The following PIK3AP1 variants were observed in gnomAD, a reference collection of about 807,000 sequenced individuals.
PIK3AP1 encodes the protein phosphoinositide-3-kinase adaptor protein 1.
PIK3AP1 carries 21 observed loss-of-function variants against 88.1 expected under a neutral mutation model. The observed-to-expected ratio is 0.24, with a 90% CI of 0.17 to 0.34. PIK3AP1 has a LOEUF of 0.34. Ranked by LOEUF, PIK3AP1 falls within the 10% of genes least tolerant of loss-of-function variation. The pLI is 1.00. For synonymous variants in PIK3AP1, 398 were observed against 400.0 expected (o/e 1.00, Z 0.06); for missense variants, 828 against 1,035.7 (o/e 0.80, Z 2.75).
intron 2 of PIK3AP1, among the ~76,000 whole-genome samples, chr10:96,678,366 C>T (rs373929770): frequency 1.4e-4 from 21 of 151,668 alleles, no homozygotes; most frequent in East Asian, 1.2e-3. Flanking sequence ...ACCCAGGAGG[C>T]GGAGGTTGCA....
At chr10:96,710,140 C>T (rs1444333470) in intron 1 of PIK3AP1, among the ~76,000 whole-genome samples, 157 bp from the exon 2 acceptor site, 2 of 152,208 alleles carry the variant, frequency 1.3e-5, no homozygotes, top group Non-Finnish European at 2.9e-5. Context: ...TCACGCATTT[C>T]TTTCCCCATT....
chr10:96,640,292 C>G (rs562956731), intron 8 of PIK3AP1, among the ~76,000 whole-genome samples: 7 of 152,234 alleles, frequency 4.6e-5, no homozygotes, highest in African/African-American at 1.4e-4. Flanking sequence ...ATGAGGCTCT[C>G]GGGTATTGAA....
intron 2 of PIK3AP1, among the ~76,000 whole-genome samples, chr10:96,670,597 G>A (rs983205848): frequency 6.6e-6 from 1 of 152,200 alleles, no homozygotes; most frequent in Non-Finnish European, 1.5e-5. Flanking sequence ...CTATATGGGG[G>A]AAGGGCTGTG....
chr10:96,596,740 T>C (rs1432789869), intron 16 of PIK3AP1, among the ~76,000 whole-genome samples: 1 of 152,204 alleles, frequency 6.6e-6, no homozygotes, highest in Non-Finnish European at 1.5e-5. Flanking sequence ...GGTGAGTCTA[T>C]TTACAGACAG....
At chr10:96,644,357 C>G (rs1843431112) in intron 8 of PIK3AP1, among the ~76,000 whole-genome samples, 1 of 152,182 alleles carries the variant, frequency 6.6e-6, no homozygotes, top group African/African-American at 2.4e-5. Flanking sequence ...TTCTACATAT[C>G]TGTGTATATG....
rs749857333 is a variant in PIK3AP1, at chr10:96,709,927, A to G, written c.70T>C (p.Cys24Arg). 10 of 1,608,276 alleles carry G rather than the reference A, an allele frequency of 6.2e-6. No individual in the cohort carries two copies. Among genetic ancestry groups the G allele is most frequent in the South Asian group, 1.1e-5 (1 of 90,920 alleles). The change falls in exon 2 of 17, where the codon TGC (cysteine) becomes CGC (arginine). Residue 24 changes from cysteine (C) to arginine (R), a missense_variant. This residue lies in a region of PIK3AP1 where 610 missense variants were observed against 760.1 expected (regional missense o/e 0.80). Coordinates refer to ENST00000339364, the MANE Select transcript of PIK3AP1 (RefSeq NM_152309.3). ...IVYSPDAEEW[C>R]QYLQTLFLSS... ...AGGAACAGGGTCTGCAGGTACTGGC[A>G]CCATTCCTCGGCATCCGGGCTGTAG...
chr10:96,663,704 A>T (rs953727948), intron 2 of PIK3AP1, among the ~76,000 whole-genome samples: 1 of 150,868 alleles, frequency 6.6e-6, no homozygotes, highest in Non-Finnish European at 1.5e-5. Flanking sequence ...AGTAAAAATG[A>T]TAAGGGGCTA....
intron 8 of PIK3AP1, among the ~76,000 whole-genome samples, chr10:96,640,618 C>T (rs1319589253): frequency 6.6e-6 from 1 of 151,972 alleles, no homozygotes; most frequent in South Asian, 2.1e-4. Flanking sequence ...TTATCTCTTA[C>T]ATAATAAGGT....
intron 10 of PIK3AP1, among the ~76,000 whole-genome samples, chr10:96,624,808 G>A (rs1843133327): frequency 1.3e-5 from 2 of 152,082 alleles, no homozygotes; most frequent in African/African-American, 2.4e-5. Flanking sequence ...CCTTTCCTTC[G>A]CTTCTCCACA....
intron 2 of PIK3AP1, among the ~76,000 whole-genome samples, chr10:96,661,534 G>A (rs1364632614): frequency 6.6e-6 from 1 of 152,218 alleles, no homozygotes; most frequent in African/African-American, 2.4e-5. Flanking sequence ...GGAGGAGGCT[G>A]TGTGTACATA....
At chr10:96,696,197 T>C (rs1285875687) in intron 2 of PIK3AP1, among the ~76,000 whole-genome samples, 2 of 152,182 alleles carry the variant, frequency 1.3e-5, no homozygotes, top group Non-Finnish European at 1.5e-5. Flanking sequence ...CATAAAACAT[T>C]GTCAGTAAGA....
chr10:96,673,225 C>T (rs1843871134), intron 2 of PIK3AP1, among the ~76,000 whole-genome samples: 1 of 152,190 alleles, frequency 6.6e-6, no homozygotes, highest in Non-Finnish European at 1.5e-5. Context: ...ATCTACTTCC[C>T]CACCATGGTA....
intron 1 of PIK3AP1, among the ~76,000 whole-genome samples, chr10:96,714,451 A>G (rs1054410022): frequency 1.3e-5 from 2 of 152,244 alleles, no homozygotes; most frequent in Admixed American, 6.5e-5. Context: ...CATGCTCTTA[A>G]TCTCTAAGTT....
At chr10:96,604,884 G>A (rs1848975565) in intron 14 of PIK3AP1, among the ~76,000 whole-genome samples, 1 of 151,870 alleles carries the variant, frequency 6.6e-6, no homozygotes, top group Admixed American at 6.6e-5. Context: ...CCCCGAGACT[G>A]AGTTTTGCTT....
intron 2 of PIK3AP1, among the ~76,000 whole-genome samples, chr10:96,698,520 TAAACTAAACC>T: frequency 6.6e-6 from 1 of 151,676 alleles, no homozygotes; most frequent in Non-Finnish European, 1.5e-5. Flanking sequence ...AAACTAAAAC[TAAACTAAACC>T]AAACTAAACT....
In PIK3AP1 at chr10:96,638,461, C is replaced by T. The variant is rs530698736; in HGVS notation, c.1375+7012G>A. ...GGACTAAGACACACACACAGACACA[C>T]ACACACACAGACACACACACACACA... On this transcript the variant is annotated intron_variant, in intron 8 of 16. Coordinates refer to ENST00000339364, the MANE Select transcript of PIK3AP1 (RefSeq NM_152309.3). 6.3e-5 allele frequency among the ~76,000 whole-genome samples: 6 copies of T among 95,882 alleles called. No individual in the cohort carries two copies. The South Asian group carries it at 2.5e-3, about 40-fold the overall frequency. 62.9% of individuals were successfully genotyped at this position (95,882 alleles called of 152,430 possible).
At chr10:96,636,969 T>TAAATTA (rs1407417936) in intron 8 of PIK3AP1, among the ~76,000 whole-genome samples, 9 of 152,334 alleles carry the variant, frequency 5.9e-5, no homozygotes, top group African/African-American at 2.2e-4. Flanking sequence ...GGAAACTCCA[T>TAAATTA]CCAGATTATA....
intron 2 of PIK3AP1, among the ~76,000 whole-genome samples, chr10:96,681,949 C>G (rs1844005857): frequency 6.6e-6 from 1 of 151,792 alleles, no homozygotes; most frequent in Non-Finnish European, 1.5e-5. Context: ...TACTTTCTCA[C>G]TCTTATAGAC....
chr10:96,699,543 T>G (rs774156180), intron 2 of PIK3AP1, among the ~76,000 whole-genome samples: 48 of 152,242 alleles, frequency 3.2e-4, no homozygotes, highest in Non-Finnish European at 5.9e-4. Flanking sequence ...ATACATTTTT[T>G]GGATAGCGCT....
Sources: gnomAD v4.1 joint callset for allele counts (sites outside exome capture counted in the v4.1 genomes callset) on GRCh38, gnomAD v4.1.1 for gene constraint, gnomAD v4.1.1 regional missense constraint, MANE v1.5 for transcripts, NCBI Gene and HGNC (gene_info 2026-07-23, HGNC 2026-07-21) for gene names.